The following EEFSEC variants were observed in gnomAD, a reference collection of about 807,000 sequenced individuals.
EEFSEC encodes the protein eukaryotic elongation factor, selenocysteine-tRNA specific.
EEFSEC carries 43 observed loss-of-function variants against 42.1 expected under a neutral mutation model. The observed-to-expected ratio is 1.02, with a 90% confidence interval of 0.80 to 1.32. The LOEUF (loss-of-function observed/expected upper bound fraction) is 1.32. Among genes scored for constraint, EEFSEC ranks in the 40% most tolerant of loss-of-function variants. The probability of loss-of-function intolerance (pLI) is 0.00; values close to 1 mark genes in which losing one functional copy is unlikely to be tolerated. For missense variants in EEFSEC, 745 were observed against 803.6 expected, an observed-to-expected ratio of 0.93 and a Z score of 0.88; for synonymous variants, 354 against 339.1, an observed-to-expected ratio of 1.04 and a Z score of -0.48.
chr3:128,420,923 G>C, the EEFSEC span, among the ~76,000 whole-genome samples: 42 of 152,264 alleles, frequency 2.8e-4, no homozygotes, highest in Non-Finnish European at 5.3e-4. Flanking sequence ...CCTTGCACCT[G>C]TCCGGGACCT....
At chr3:128,372,743 G>A (rs967233251) in intron 6 of EEFSEC, among the ~76,000 whole-genome samples, 11 of 152,286 alleles carry the variant, frequency 7.2e-5, no homozygotes, top group South Asian at 4.1e-4. Flanking sequence ...TTAGTAGGTC[G>A]TCACTCACCC....
intron 6 of EEFSEC, among the ~76,000 whole-genome samples, chr3:128,406,243 A>G (rs912401340): frequency 5.9e-5 from 9 of 152,218 alleles, no homozygotes; most frequent in Admixed American, 2.6e-4. Context: ...ATTCCTCATG[A>G]ATACAAGCCC....
intron 4 of EEFSEC, among the ~76,000 whole-genome samples, chr3:128,290,966 T>G (rs1576611871): frequency 6.6e-6 from 1 of 152,046 alleles, no homozygotes; most frequent in Non-Finnish European, 1.5e-5. Flanking sequence ...CCATGGCTGG[T>G]CTCGAACTCC....
intron 4 of EEFSEC, among the ~76,000 whole-genome samples, chr3:128,274,628 C>T (rs569994621): frequency 2.0e-5 from 3 of 152,364 alleles, no homozygotes; most frequent in African/African-American, 4.8e-5. Flanking sequence ...ATGAAAACCA[C>T]TCTAACTTAT....
intron 1 of EEFSEC, among the ~76,000 whole-genome samples, chr3:128,177,162 A>G (rs1220376257): frequency 6.6e-6 from 1 of 151,920 alleles, no homozygotes; most frequent in Non-Finnish European, 1.5e-5. Context: ...TATTGATTCA[A>G]TGTTGTGGGG....
At chr3:128,194,707 T>G (rs568147473) in intron 1 of EEFSEC, among the ~76,000 whole-genome samples, 27 of 152,266 alleles carry the variant, frequency 1.8e-4, no homozygotes, top group African/African-American at 6.5e-4. Flanking sequence ...GAAGAAAATT[T>G]AAAAATGTGA....
intron 1 of EEFSEC, among the ~76,000 whole-genome samples, chr3:128,154,980 T>C (rs763791664): frequency 2.0e-5 from 3 of 152,218 alleles, no homozygotes; most frequent in Non-Finnish European, 4.4e-5. Context: ...ATTATACATG[T>C]AATACATGAA....
chr3:128,164,211 C>A (rs1024162313), intron 1 of EEFSEC, among the ~76,000 whole-genome samples: 2 of 152,188 alleles, frequency 1.3e-5, no homozygotes, highest in African/African-American at 4.8e-5. Context: ...TACACATACA[C>A]GTTGCATGGC....
In EEFSEC at chr3:128,170,203, T is replaced by G. The variant is rs185384924; in HGVS notation, c.316+16380T>G. Among the ~76,000 whole-genome samples the G allele has an allele frequency of 5.8e-3, 882 of 152,306 alleles. 2 individuals are homozygous for G. Among genetic ancestry groups the G allele is most frequent in the Middle Eastern group, 0.01 (3 of 294 alleles). On this transcript the variant is annotated intron_variant, in intron 1 of 6. Coordinates refer to ENST00000254730, the MANE Select transcript of EEFSEC (RefSeq NM_021937.5). ...GGCATGGCCTAGCCTCAGACTTGCATGCATATTTTTCTGCTGTTGATTTTC... is the reference window on the plus strand; with the variant it reads ...GGCATGGCCTAGCCTCAGACTTGCAGGCATATTTTTCTGCTGTTGATTTTC...
At chr3:128,220,385 C>T (rs2065850169) in intron 1 of EEFSEC, among the ~76,000 whole-genome samples, 1 of 152,208 alleles carries the variant, frequency 6.6e-6, no homozygotes, top group Non-Finnish European at 1.5e-5. Context: ...ACAGTGCCAT[C>T]ACTGATACCA....
Position 128,156,239 on chromosome 3 carries a change from A to G in EEFSEC, c.316+2416A>G, listed in dbSNP as rs148007614. ...GGAAGATAGTGGTAACCACACAACT[A>G]TTTATTGGCTTGACTTTTCTTGTGT... On this transcript the variant is annotated intron_variant, in intron 1 of 6. Transcript: ENST00000254730. Among the ~76,000 whole-genome samples, 38 of 152,278 alleles carry G rather than the reference A, an allele frequency of 2.5e-4. No individual in the cohort carries two copies. In the East Asian group the frequency reaches 7.1e-3, roughly 29 times the overall value.
At chr3:128,338,554 G>A (rs1486057170) in intron 4 of EEFSEC, among the ~76,000 whole-genome samples, 1 of 152,202 alleles carries the variant, frequency 6.6e-6, no homozygotes, top group Non-Finnish European at 1.5e-5. Flanking sequence ...AGGGACGAAT[G>A]GGAATTTGCC....
intron 4 of EEFSEC, among the ~76,000 whole-genome samples, chr3:128,328,481 C>T (rs574517788): frequency 1.5e-4 from 23 of 152,314 alleles, no homozygotes; most frequent in African/African-American, 5.5e-4. Context: ...GCCGTAAGCC[C>T]ATTGCATGCC....
chr3:128,346,117 A>C (rs2067309935), intron 5 of EEFSEC, among the ~76,000 whole-genome samples: 1 of 152,248 alleles, frequency 6.6e-6, no homozygotes, highest in Non-Finnish European at 1.5e-5. Context: ...ACTGGCTCAC[A>C]CTGGAAGCTG....
chr3:128,420,826 G>A, the EEFSEC span, among the ~76,000 whole-genome samples: 1 of 152,122 alleles, frequency 6.6e-6, no homozygotes, highest in Non-Finnish European at 1.5e-5. Flanking sequence ...CTAGCAGGGT[G>A]CTCCCCTCCA....
intron 4 of EEFSEC, among the ~76,000 whole-genome samples, chr3:128,288,020 C>G (rs2066605149): frequency 7.0e-6 from 1 of 143,508 alleles, no homozygotes; most frequent in Admixed American, 7.0e-5. Flanking sequence ...GATAGACCTG[C>G]CTTTCTTTCT....
At chr3:128,424,973 CA>C in the EEFSEC span, among the ~76,000 whole-genome samples, 1 of 152,022 alleles carries the variant, frequency 6.6e-6, no homozygotes, top group Non-Finnish European at 1.5e-5. Context: ...GGCCTCTCAC[CA>C]AGCAGGTAGG....
chr3:128,332,223 G>A (rs1299776446), intron 4 of EEFSEC, among the ~76,000 whole-genome samples: 2 of 152,054 alleles, frequency 1.3e-5, no homozygotes, highest in Non-Finnish European at 2.9e-5. Context: ...AATATGAATA[G>A]ATGTCACCAA....
intron 6 of EEFSEC, chr3:128,362,053 C>A: frequency 2.8e-6 from 1 of 353,916 alleles, no homozygotes; most frequent in Non-Finnish European, 5.7e-6. Flanking sequence ...CTGTTGATGC[C>A]CCTAGAGAGC....
Sources: allele counts gnomAD v4.1 joint callset (sites outside exome capture counted in the v4.1 genomes callset), GRCh38; gene constraint gnomAD v4.1.1; transcripts MANE v1.5; gene names NCBI Gene and HGNC (gene_info 2026-07-23, HGNC 2026-07-21).